The following DOCK7 variants were observed in gnomAD, a reference collection of about 807,000 sequenced individuals.
DOCK7 encodes dedicator of cytokinesis 7, also known as dedicator of cytokinesis protein 7.
DOCK7 carries 138 observed loss-of-function variants against 271.0 expected under a neutral mutation model. That is an observed-to-expected ratio of 0.51 (90% confidence interval 0.44 to 0.59). The LOEUF is 0.59. Ranked by LOEUF, DOCK7 falls within the 20% of genes least tolerant of loss-of-function variation. The pLI, the probability that DOCK7 is intolerant of heterozygous loss-of-function variation, is 0.00. For missense variants in DOCK7, 2,066 were observed against 2,592.4 expected, an observed-to-expected ratio of 0.80 and a Z score of 4.41; for synonymous variants, 823 against 876.1, an observed-to-expected ratio of 0.94 and a Z score of 1.07.
At chr1:62,588,149 A>G (rs1647844741) in intron 14 of DOCK7, among the ~76,000 whole-genome samples, 1 of 152,218 alleles carries the variant, frequency 6.6e-6, no homozygotes, top group Admixed American at 6.5e-5. Context: ...TTAAGATCAA[A>G]GATGACTATG....
intron 1 of DOCK7, among the ~76,000 whole-genome samples, chr1:62,670,172 C>T (rs1022119497): frequency 5.3e-5 from 8 of 152,226 alleles, no homozygotes; most frequent in African/African-American, 1.2e-4. Context: ...GAGCCTCTCA[C>T]CCCCTCCGTG....
intron 14 of DOCK7, chr1:62,608,934 TATTCCAA>T: frequency 6.6e-6 from 1 of 152,292 alleles, no homozygotes; most frequent in South Asian, 2.1e-4. Context: ...TTAAAAAACA[TATTCCAA>T]ATTTGTACTC....
intron 18 of DOCK7, among the ~76,000 whole-genome samples, chr1:62,567,303 C>T (rs1646551101): frequency 6.6e-6 from 1 of 152,094 alleles, no homozygotes; most frequent in Admixed American, 6.6e-5. Flanking sequence ...AACCCAAATG[C>T]CCATCAATGA....
At chr1:62,608,013 T>C (rs891466248) in intron 14 of DOCK7, 1 of 152,098 alleles carries the variant, frequency 6.6e-6, no homozygotes, top group African/African-American at 2.4e-5. Context: ...GCCTGGGAAG[T>C]CAAGCCTGCA....
intron 37 of DOCK7, among the ~76,000 whole-genome samples, chr1:62,499,482 G>A (rs951478136): frequency 1.3e-5 from 2 of 152,170 alleles, no homozygotes; most frequent in African/African-American, 4.8e-5. Context: ...AAGTTAGGAA[G>A]CAGTTCCAAT....
chr1:62,517,795 C>T (rs1022531483), intron 31 of DOCK7, among the ~76,000 whole-genome samples: 1 of 152,150 alleles, frequency 6.6e-6, no homozygotes, highest in Non-Finnish European at 1.5e-5. Context: ...GGAAAACAAT[C>T]TAACCAAGTA....
chr1:62,632,374 G>A (rs767790389), intron 10 of DOCK7, among the ~76,000 whole-genome samples: 8 of 152,116 alleles, frequency 5.3e-5, no homozygotes, highest in African/African-American at 7.2e-5. Context: ...ACAACCTGGG[G>A]ACAGCCAGAA....
intron 14 of DOCK7, among the ~76,000 whole-genome samples, chr1:62,606,426 TAGA>T (rs957900008): frequency 1.6e-4 from 25 of 151,998 alleles, no homozygotes; most frequent in African/African-American, 2.2e-4. Flanking sequence ...ATACTTCTGG[TAGA>T]AGAAGAGAAA....
chr1:62,631,983 A>G (rs1654688882), intron 10 of DOCK7, among the ~76,000 whole-genome samples: 1 of 152,202 alleles, frequency 6.6e-6, no homozygotes, highest in Non-Finnish European at 1.5e-5. Context: ...TAATAGTACA[A>G]GCATATCTGG....
Position 62,590,905 on chromosome 1 carries a change from T to C in DOCK7, c.1683-4281A>G, listed in dbSNP as rs140743686. ...TATACACTGTTGGTGGGAGTCTTAG[T>C]TTAACCACTGTAGAAAGCAGTATGG... On this transcript the variant is annotated intron_variant, in intron 14 of 49. Transcript: ENST00000635253. Among the ~76,000 whole-genome samples the C allele has an allele frequency of 9.9e-5, 15 of 152,278 alleles. 1 individual carries two copies. The highest frequency in any genetic ancestry group is 3.4e-4 in the African/African-American group (14 of 41,556).
At chr1:62,476,473 CAA>C (rs1488878443) in intron 44 of DOCK7, among the ~76,000 whole-genome samples, 1 of 152,026 alleles carries the variant, frequency 6.6e-6, no homozygotes, top group Non-Finnish European at 1.5e-5. Flanking sequence ...GAACAGAAAG[CAA>C]AGACAAAAGA....
intron 12 of DOCK7, among the ~76,000 whole-genome samples, chr1:62,623,008 AAGCGACCCCC>A (rs773274593): frequency 2.6e-5 from 4 of 152,156 alleles, no homozygotes; most frequent in Admixed American, 6.6e-5. Flanking sequence ...TCTTAGGCTC[AAGCGACCCCC>A]CAGCCTTGGC....
intron 4 of DOCK7, among the ~76,000 whole-genome samples, chr1:62,650,346 C>T (rs544212188): frequency 1.4e-5 from 2 of 141,348 alleles, no homozygotes; most frequent in Admixed American, 7.4e-5. Flanking sequence ...TCTCAATAAA[C>T]ACTAACTGAA....
In DOCK7 at chr1:62,473,865, G is replaced by A. The variant is rs897955262; in HGVS notation, c.6212+117C>T. On this transcript the variant is annotated intron_variant, in intron 48 of 49. Transcript: ENST00000635253. ...CTCCCAAAGTGCTGAGATTGCAGGTGTAAGCCACTGTGCCTAGCCTATTTT... is the reference window on the plus strand; with the variant it reads ...CTCCCAAAGTGCTGAGATTGCAGGTATAAGCCACTGTGCCTAGCCTATTTT... 1.1e-5 allele frequency: 8 copies of A among 706,976 alleles called. No homozygotes were observed. In the African/African-American group the frequency reaches 1.4e-4, roughly 13 times the overall value. 43.8% of individuals were successfully genotyped at this position (706,976 alleles called of 1,614,324 possible). A position where few individuals can be genotyped will look rare whatever the true frequency, so the allele number is the denominator to read the frequency against.
At chr1:62,685,293 G>A (rs1215397248) in intron 1 of DOCK7, among the ~76,000 whole-genome samples, 2 of 152,068 alleles carry the variant, frequency 1.3e-5, no homozygotes, top group Non-Finnish European at 2.9e-5. Context: ...GCTGTGCTGG[G>A]GTGTCAAACC....
intron 13 of DOCK7, 43 bp downstream of exon 13, chr1:62,619,857 A>G: frequency 7.9e-7 from 1 of 1,267,628 alleles, no homozygotes; most frequent in Non-Finnish European, 1.1e-6. Context: ...CATAGTAGTG[A>G]TAATAATAGT....
chr1:62,539,894 T>A lies in DOCK7; in HGVS notation c.3046-2A>T. 1 of 1,565,076 alleles carries A rather than the reference T, an allele frequency of 6.4e-7. No homozygotes were observed. The highest frequency in any genetic ancestry group is 8.6e-7 in the Non-Finnish European group (1 of 1,157,352). ...TAAATGGTGCACCATGCTCTTTACC[T>A]GAAAAAAAGATATAAATTATTAATT... On this transcript the variant is annotated splice_acceptor_variant, in intron 25 of 49. Transcript: ENST00000635253. LOFTEE classifies it high-confidence loss of function.
At chr1:62,640,808 T>C (rs1325639766) in intron 7 of DOCK7, among the ~76,000 whole-genome samples, 2 of 152,168 alleles carry the variant, frequency 1.3e-5, no homozygotes, top group African/African-American at 2.4e-5. Context: ...CCCCTCCAAA[T>C]AGTGTTCCAG....
At chr1:62,543,888 C>T (rs1645616057) in intron 23 of DOCK7, 143 bp from the exon 24 acceptor site, 3 of 534,112 alleles carry the variant, frequency 5.6e-6, no homozygotes, top group Middle Eastern at 2.9e-4. Flanking sequence ...ATCTCATTTT[C>T]ACCATGTTAA....
Sources: allele counts gnomAD v4.1 joint callset (sites outside exome capture counted in the v4.1 genomes callset), GRCh38; gene constraint gnomAD v4.1.1; transcripts MANE v1.5; gene names NCBI Gene and HGNC (gene_info 2026-07-23, HGNC 2026-07-21).